TTC29: variants seen among roughly 807,000 people sequenced by gnomAD.
TTC29 encodes tetratricopeptide repeat domain 29.
A neutral mutation model predicts 58.1 loss-of-function variants in TTC29; 49 were observed. That is an observed-to-expected ratio of 0.84 (90% CI 0.67 to 1.07). The LOEUF is 1.07. Ranked by LOEUF, TTC29 falls within the 50% of genes least tolerant of loss-of-function variation. TTC29 has a pLI of 0.00. For missense variants in TTC29, 582 were observed against 555.6 expected, an observed-to-expected ratio of 1.05 and a Z score of -0.48; for synonymous variants, 209 against 196.8, an observed-to-expected ratio of 1.06 and a Z score of -0.52.
chr4:146,904,803 G>A (rs1004209791), intron 5 of TTC29, among the ~76,000 whole-genome samples: 1 of 151,986 alleles, frequency 6.6e-6, no homozygotes. Flanking sequence ...TTGCCCACTA[G>A]GACACCTGTA....
At chr4:146,885,746 A>C (rs1194559236) in intron 6 of TTC29, among the ~76,000 whole-genome samples, 1 of 152,122 alleles carries the variant, frequency 6.6e-6, no homozygotes, top group African/African-American at 2.4e-5. Flanking sequence ...AATTACAATT[A>C]CTTTTGCACT....
chr4:146,822,617 A>G (rs886768612), intron 9 of TTC29, among the ~76,000 whole-genome samples: 1 of 152,210 alleles, frequency 6.6e-6, no homozygotes, highest in African/African-American at 2.4e-5. Flanking sequence ...TTGGGTATAT[A>G]TCCAGTAATG....
At chr4:146,763,989 C>A (rs1423925825) in intron 11 of TTC29, 1 of 152,052 alleles carries the variant, frequency 6.6e-6, no homozygotes, top group African/African-American at 2.4e-5. Flanking sequence ...ATGACTGCAC[C>A]TACCTCACTC....
At chr4:146,709,012 T>G (rs943298496) in intron 11 of TTC29, among the ~76,000 whole-genome samples, 1 of 152,114 alleles carries the variant, frequency 6.6e-6, no homozygotes, top group African/African-American at 2.4e-5. Flanking sequence ...TGTCATTAGA[T>G]TATACAGTCA....
In TTC29 at chr4:146,770,558, C is replaced by T. The variant is rs1207181447; in HGVS notation, c.1330+32899G>A. On this transcript the variant is annotated intron_variant, in intron 11 of 12. Transcript: ENST00000325106. ...AAAATACACTCAACTGAATTCTGGT[C>T]TTTAGGAAGTTCAAAATTAAGCATA... Among the ~76,000 whole-genome samples, 3 of 151,806 alleles carry T rather than the reference C, an allele frequency of 2.0e-5. No individual in the cohort carries two copies. In the East Asian group the frequency reaches 5.8e-4, roughly 29 times the overall value.
intron 6 of TTC29, among the ~76,000 whole-genome samples, chr4:146,896,096 T>C (rs1579934195): frequency 1.3e-5 from 2 of 152,220 alleles, no homozygotes; most frequent in East Asian, 1.9e-4. Context: ...TTATGTTTAA[T>C]TGATTTAATT....
intron 9 of TTC29, among the ~76,000 whole-genome samples, chr4:146,826,165 G>C (rs955904700): frequency 6.6e-6 from 1 of 152,084 alleles, no homozygotes; most frequent in Admixed American, 6.6e-5. Flanking sequence ...ATGCTATGTG[G>C]TTATTTTGCA....
chr4:146,780,310 T>TGTGTGTGC (rs1748494509), intron 11 of TTC29, among the ~76,000 whole-genome samples: 1 of 127,332 alleles, frequency 7.9e-6, no homozygotes, highest in African/African-American at 4.1e-5. Flanking sequence ...GGGGTGTGTG[T>TGTGTGTGC]GTGTGTGTGT....
chr4:146,813,719 T>C (rs1751181652), intron 10 of TTC29, among the ~76,000 whole-genome samples: 1 of 152,204 alleles, frequency 6.6e-6, no homozygotes, highest in Admixed American at 6.5e-5. Flanking sequence ...TGGTGGTTCA[T>C]GCCTGTAGGT....
At chr4:146,894,188 C>G (rs540660842) in intron 6 of TTC29, among the ~76,000 whole-genome samples, 1 of 152,126 alleles carries the variant, frequency 6.6e-6, no homozygotes, top group East Asian at 1.9e-4. Context: ...GGGTATATAC[C>G]CAAAGGATTA....
chr4:146,840,359 C>T (rs1487482718), intron 8 of TTC29, among the ~76,000 whole-genome samples: 5 of 151,974 alleles, frequency 3.3e-5, no homozygotes, highest in Non-Finnish European at 7.4e-5. Flanking sequence ...TTCTTCATAA[C>T]GCCCAACCTT....
In TTC29 at chr4:146,707,335, ATC is replaced by A. The variant is rs1460971076; in HGVS notation, c.1397+148_1398-148del. ...AACCTTATGTGACATTTGAAAATAA[ATC>A]TGTGATTTTTTTTAAAGCAGTGTTT... is the stretch of plus-strand genomic sequence containing the variant. On this transcript the variant is annotated intron_variant, in intron 12 of 12. Transcript: ENST00000325106. 16 of 786,156 alleles carry A rather than the reference ATC, an allele frequency of 2.0e-5. No homozygotes were observed. In the African/African-American group the frequency reaches 2.6e-4, roughly 13 times the overall value. 48.7% of individuals were successfully genotyped at this position (786,156 alleles called of 1,614,324 possible).
intron 11 of TTC29, among the ~76,000 whole-genome samples, chr4:146,746,657 CT>C (rs1169979100): frequency 4.6e-5 from 7 of 152,278 alleles, no homozygotes; most frequent in African/African-American, 1.7e-4. Flanking sequence ...GTCCCCTCCC[CT>C]GTCCCACCAG....
intron 11 of TTC29, among the ~76,000 whole-genome samples, chr4:146,717,278 T>G (rs577367601): frequency 2.2e-4 from 34 of 152,170 alleles, no homozygotes; most frequent in East Asian, 1.7e-3. Context: ...GTTATTATTA[T>G]TAGTAGTAGT....
chr4:146,839,183 A>T (rs1000811671), intron 8 of TTC29, among the ~76,000 whole-genome samples: 1 of 152,054 alleles, frequency 6.6e-6, no homozygotes, highest in Non-Finnish European at 1.5e-5. Context: ...TGACATTGAT[A>T]TATACCCACT....
At chr4:146,734,644 G>A (rs1744590673) in intron 11 of TTC29, among the ~76,000 whole-genome samples, 1 of 152,022 alleles carries the variant, frequency 6.6e-6, no homozygotes, top group Non-Finnish European at 1.5e-5. Context: ...TTGAATTGGG[G>A]GACATCCAGC....
intron 9 of TTC29, among the ~76,000 whole-genome samples, chr4:146,823,973 G>T (rs1408894713): frequency 1.3e-5 from 2 of 152,190 alleles, no homozygotes; most frequent in Non-Finnish European, 2.9e-5. Context: ...CTTTGTTGAA[G>T]TTGCTTCTCA....
chr4:146,823,392 T>G (rs1366900835), intron 9 of TTC29, among the ~76,000 whole-genome samples: 1 of 152,224 alleles, frequency 6.6e-6, no homozygotes, highest in African/African-American at 2.4e-5. Flanking sequence ...TTTGTCAGGC[T>G]TCTTGAAGAT....
At chr4:146,708,322 A>G (rs1579490695) in intron 11 of TTC29, among the ~76,000 whole-genome samples, 1 of 31,242 alleles carries the variant, frequency 3.2e-5, no homozygotes, top group African/African-American at 6.3e-5. Flanking sequence ...ATATATATAT[A>G]TATATATATA....
Sources: allele counts gnomAD v4.1 joint callset (sites outside exome capture counted in the v4.1 genomes callset), GRCh38; gene constraint gnomAD v4.1.1; transcripts MANE v1.5; gene names NCBI Gene and HGNC (gene_info 2026-07-23, HGNC 2026-07-21).